The following CDH11 variants were observed in gnomAD, a reference collection of about 807,000 sequenced individuals.
CDH11 encodes the protein cadherin 11, also known as cadherin-11.
Under a neutral mutation model 67.8 loss-of-function variants are expected in CDH11, and 11 were observed. The observed-to-expected ratio is 0.16, with a 90% CI of 0.10 to 0.27. The LOEUF (loss-of-function observed/expected upper bound fraction) is 0.27. CDH11 is among the 10% of genes least tolerant of loss of function. The probability of loss-of-function intolerance (pLI) is 1.00; values close to 1 mark genes in which losing one functional copy is unlikely to be tolerated. For missense variants in CDH11, 847 were observed against 1,031.2 expected, an observed-to-expected ratio of 0.82 and a Z score of 2.45; for synonymous variants, 419 against 400.0, an observed-to-expected ratio of 1.05 and a Z score of -0.57.
chr16:65,118,030 C>T (rs1288797746), intron 1 of CDH11, among the ~76,000 whole-genome samples: 1 of 152,196 alleles, frequency 6.6e-6, no homozygotes, highest in African/African-American at 2.4e-5. Context: ...CGAGCAGTAG[C>T]TTGAACCACA....
intron 2 of CDH11, among the ~76,000 whole-genome samples, chr16:65,033,296 C>G (rs977036102): frequency 6.1e-5 from 9 of 148,522 alleles, no homozygotes; most frequent in African/African-American, 2.2e-4. Context: ...AAATCACAAG[C>G]CAGTTTGCAA....
intron 1 of CDH11, among the ~76,000 whole-genome samples, chr16:65,079,803 T>C (rs1183999534): frequency 2.0e-5 from 3 of 152,204 alleles, no homozygotes; most frequent in African/African-American, 7.2e-5. Flanking sequence ...GGGCAAATTA[T>C]GCCTTCATCC....
chr16:65,003,260 TATTC>T (rs1389999848), intron 3 of CDH11, among the ~76,000 whole-genome samples: 1 of 152,026 alleles, frequency 6.6e-6, no homozygotes, highest in African/African-American at 2.4e-5. Context: ...TTTATTTATT[TATTC>T]ATTCATTTTT....
chr16:64,995,734 A>C lies in CDH11; in HGVS notation c.524-2700T>G, dbSNP rs1395218896. 2.6e-5 allele frequency among the ~76,000 whole-genome samples: 4 copies of C among 152,292 alleles called. No individual in the cohort carries two copies. The East Asian group carries it at 7.7e-4, about 29-fold the overall frequency. ...CAAAAGAAATTGCAACAAAAATAAAAATTGACAAGCAGGACCTAATTACAC... is the reference window on the plus strand; with the variant it reads ...CAAAAGAAATTGCAACAAAAATAAACATTGACAAGCAGGACCTAATTACAC... On this transcript the variant is annotated intron_variant, in intron 4 of 12. Transcript: ENST00000268603.
rs1242514595 is a variant in CDH11, at chr16:65,004,849, T to A, written c.21A>T (p.Leu7Phe). ...TGCCCAGGCACACCAGGGCGGCTTG[T>A]AAACAGTAGTTCTCCTTCATTTTTG... is the stretch of plus-strand genomic sequence containing the variant. MKENYC[L>F]QAALVCLGML... The change falls in exon 3 of 13, where the codon TTA becomes TTT. Residue 7 changes from leucine (L) to phenylalanine (F), a missense_variant. Physicochemically the swap from Leu to Phe is conservative, Grantham distance 22. Transcript: ENST00000268603. 2.6e-6 allele frequency: 4 copies of A among 1,548,734 alleles called. No homozygotes were observed. The highest frequency in any genetic ancestry group is 3.5e-6 in the Non-Finnish European group (4 of 1,145,750).
chr16:64,946,169 TTC>T lies in CDH11; in HGVS notation c.*1432_*1433del. 9.5e-7 allele frequency: 1 copy of T among 1,052,890 alleles called. No individual in the cohort carries two copies. The highest frequency in any genetic ancestry group is 1.1e-6 in the Non-Finnish European group (1 of 871,472). The allele number at this position is 1,052,890 out of a possible 1,614,324, so 65.2% of individuals were successfully genotyped here. A position where few individuals can be genotyped will look rare whatever the true frequency, so the allele number is the denominator to read the frequency against. On this transcript the variant is annotated 3_prime_UTR_variant, in exon 13 of 13. Transcript: ENST00000268603. ...AAAGCTTTTTTAAATGAATCGCCCA[TTC>T]TCATTAAAACATAAAATGCCACATC...
At chr16:65,104,629 C>T (rs377686810) in intron 1 of CDH11, among the ~76,000 whole-genome samples, 58 of 152,280 alleles carry the variant, frequency 3.8e-4, no homozygotes, top group Middle Eastern at 3.4e-3. Context: ...TTGGTATAAA[C>T]CCCTTTGGCA....
chr16:64,973,166 A>C, intron 8 of CDH11, 126 bp from the exon 9 acceptor site: 1 of 963,906 alleles, frequency 1.0e-6, no homozygotes, highest in Non-Finnish European at 1.5e-6. Flanking sequence ...TTTTCTTTCT[A>C]ATCAAATTTA....
At chr16:65,067,960 A>AAGGG (rs2074346031) in intron 1 of CDH11, among the ~76,000 whole-genome samples, 1 of 109,064 alleles carries the variant, frequency 9.2e-6, no homozygotes, top group Non-Finnish European at 1.9e-5. Context: ...GGGAGGAAGG[A>AAGGG]AGGGAGGGAG....
intron 2 of CDH11, among the ~76,000 whole-genome samples, chr16:65,047,541 G>A (rs768350220): frequency 7.2e-5 from 11 of 151,790 alleles, no homozygotes; most frequent in African/African-American, 1.9e-4. Flanking sequence ...TAGTAGAGAC[G>A]GGATTTCACC....
At chr16:64,982,432 T>C (rs914106713) in intron 7 of CDH11, 131 bp from the exon 8 acceptor site, 29 of 702,140 alleles carry the variant, frequency 4.1e-5, no homozygotes, top group Non-Finnish European at 6.7e-5. Flanking sequence ...CAATTTCCAA[T>C]TACCTGAGCC....
chr16:65,038,851 C>T, intron 2 of CDH11, among the ~76,000 whole-genome samples: 1 of 152,226 alleles, frequency 6.6e-6, no homozygotes, highest in Non-Finnish European at 1.5e-5. Flanking sequence ...TTGTTTCCTA[C>T]CGCACACCTG....
At chr16:65,109,891 GTTTGTTTT>G (rs890530423) in intron 1 of CDH11, among the ~76,000 whole-genome samples, 4 of 144,870 alleles carry the variant, frequency 2.8e-5, no homozygotes, top group African/African-American at 1.0e-4. Flanking sequence ...TTGTTTGTTT[GTTTGTTTT>G]AAGACAGGGT....
chr16:64,950,616 A>ACCCCCCCCCCCCACCCCCC, intron 12 of CDH11, 151 bp downstream of exon 12: 1 of 122,632 alleles, frequency 8.2e-6, no homozygotes, highest in Non-Finnish European at 1.3e-5. Flanking sequence ...CACAACGCCC[A>ACCCCCCCCCCCCACCCCCC]CCCCGCCCCC....
At chr16:65,106,586 A>T (rs2075070425) in intron 1 of CDH11, among the ~76,000 whole-genome samples, 1 of 152,218 alleles carries the variant, frequency 6.6e-6, no homozygotes, top group Non-Finnish European at 1.5e-5. Context: ...CATGCAACAT[A>T]CAAGACCTTA....
At chr16:64,980,179 TA>T (rs923235551) in intron 8 of CDH11, among the ~76,000 whole-genome samples, 3 of 152,024 alleles carry the variant, frequency 2.0e-5, no homozygotes, top group African/African-American at 7.3e-5. Flanking sequence ...TGAAATATAC[TA>T]AAAACCAATA....
chr16:65,019,281 T>A (rs1597099274), intron 2 of CDH11, among the ~76,000 whole-genome samples: 1 of 152,306 alleles, frequency 6.6e-6, no homozygotes, highest in Admixed American at 6.5e-5. Context: ...CATTTGAGAA[T>A]TTAAGACAGA....
chr16:65,049,624 C>CT (rs1447868325), intron 2 of CDH11, among the ~76,000 whole-genome samples: 1 of 152,194 alleles, frequency 6.6e-6, no homozygotes, highest in Admixed American at 6.5e-5. Flanking sequence ...AAGAACACAA[C>CT]TTTGGTTCAG....
At chr16:65,055,043 C>G (rs190621197) in intron 1 of CDH11, among the ~76,000 whole-genome samples, 23 of 152,304 alleles carry the variant, frequency 1.5e-4, no homozygotes, top group African/African-American at 5.5e-4. Context: ...AAGCTGTCCT[C>G]TTGTGTGCTA....
Sources: gnomAD v4.1 joint callset for allele counts (sites outside exome capture counted in the v4.1 genomes callset) on GRCh38, gnomAD v4.1.1 for gene constraint, MANE v1.5 for transcripts, NCBI Gene and HGNC (gene_info 2026-07-23, HGNC 2026-07-21) for gene names.